PHF21A: variants seen among roughly 807,000 people sequenced by gnomAD.
The protein encoded by PHF21A is PHD finger protein 21A.
Under a neutral mutation model 82.5 loss-of-function variants are expected in PHF21A, and 11 were observed. The observed-to-expected ratio is 0.13, with a 90% CI of 0.08 to 0.22. The LOEUF is 0.22. PHF21A is among the 10% of genes least tolerant of loss of function. The pLI is 1.00. For missense variants in PHF21A, 579 were observed against 837.8 expected (o/e 0.69, Z 3.81); for synonymous variants, 297 against 302.8 (o/e 0.98, Z 0.20).
At chr11:46,084,113 A>C (rs201995682) in intron 4 of PHF21A, 53 bp downstream of exon 4, 6 of 1,237,108 alleles carry the variant, frequency 4.9e-6, no homozygotes, top group Non-Finnish European at 6.9e-6. Context: ...CTTGTTTACT[A>C]ATCTTAGCCA....
intron 10 of PHF21A, among the ~76,000 whole-genome samples, chr11:45,962,998 C>CT (rs1299797971): frequency 2.0e-5 from 3 of 151,934 alleles, no homozygotes; most frequent in Non-Finnish European, 1.5e-5. Flanking sequence ...AAATAAAAAG[C>CT]TCTATCAACG....
At chr11:45,935,124 C>T in intron 18 of PHF21A, 3 of 1,289,432 alleles carry the variant, frequency 2.3e-6, no homozygotes, top group Non-Finnish European at 3.0e-6. Context: ...TACTTACTTC[C>T]AATACTTGTC....
chr11:46,042,089 G>A (rs1243790600), intron 6 of PHF21A, among the ~76,000 whole-genome samples: 1 of 152,048 alleles, frequency 6.6e-6, no homozygotes, highest in African/African-American at 2.4e-5. Flanking sequence ...TTGTCTATAG[G>A]AAGTTGAATA....
At chr11:46,053,548 T>C (rs545119034) in intron 6 of PHF21A, among the ~76,000 whole-genome samples, 2 of 152,136 alleles carry the variant, frequency 1.3e-5, no homozygotes, top group South Asian at 4.1e-4. Context: ...TATAATTATA[T>C]GTATACCATG....
At chr11:46,064,984 T>C (rs1025033722) in intron 6 of PHF21A, among the ~76,000 whole-genome samples, 1 of 152,198 alleles carries the variant, frequency 6.6e-6, no homozygotes. Flanking sequence ...TAATGATGTA[T>C]TATAACTTCA....
chr11:45,937,528 T>C (rs947100569), intron 16 of PHF21A, among the ~76,000 whole-genome samples: 13 of 152,244 alleles, frequency 8.5e-5, no homozygotes, highest in African/African-American at 3.1e-4. Flanking sequence ...TCACCCAGGC[T>C]GGAGTGCAGT....
At chr11:45,944,493 C>T (rs967504228) in intron 15 of PHF21A, among the ~76,000 whole-genome samples, 3 of 152,184 alleles carry the variant, frequency 2.0e-5, no homozygotes, top group African/African-American at 7.2e-5. Context: ...AATGGTCTCC[C>T]ATTTTACTGA....
At chr11:45,949,317 C>T in intron 13 of PHF21A, 85 bp downstream of exon 13, 2 of 1,096,666 alleles carry the variant, frequency 1.8e-6, no homozygotes, top group Non-Finnish European at 2.8e-6. Flanking sequence ...TGCTGCTCTT[C>T]AGCAGGTTTT....
At chr11:46,017,967 T>C (rs1221980308) in intron 6 of PHF21A, among the ~76,000 whole-genome samples, 1 of 152,166 alleles carries the variant, frequency 6.6e-6, no homozygotes, top group Non-Finnish European at 1.5e-5. Flanking sequence ...AAATGTGTCC[T>C]AGGCCGGGCG....
At chr11:45,985,214 A>G (rs2094451457) in intron 6 of PHF21A, among the ~76,000 whole-genome samples, 2 of 152,234 alleles carry the variant, frequency 1.3e-5, no homozygotes, top group African/African-American at 4.8e-5. Flanking sequence ...CACTGCATTG[A>G]TAAGTCACAC....
At chr11:46,038,628 T>C (rs12799533) in intron 6 of PHF21A, among the ~76,000 whole-genome samples, 2 of 152,092 alleles carry the variant, frequency 1.3e-5, no homozygotes, top group Non-Finnish European at 2.9e-5. Context: ...AAGTCCAAGG[T>C]GGAGGGGCCA....
chr11:46,023,824 C>T (rs1050385338), intron 6 of PHF21A, among the ~76,000 whole-genome samples: 7 of 152,168 alleles, frequency 4.6e-5, no homozygotes, highest in Admixed American at 6.5e-5. Context: ...GGTGTGGTGG[C>T]GGGTGCCTAT....
intron 1 of PHF21A, among the ~76,000 whole-genome samples, chr11:46,094,072 C>A (rs1205756758): frequency 6.6e-6 from 1 of 151,976 alleles, no homozygotes; most frequent in Non-Finnish European, 1.5e-5. Context: ...AGGCTTATAC[C>A]CACAATATAT....
chr11:46,072,778 A>T (rs1485023222), intron 6 of PHF21A, among the ~76,000 whole-genome samples: 1 of 152,148 alleles, frequency 6.6e-6, no homozygotes, highest in African/African-American at 2.4e-5. Context: ...GTAAAGGGAG[A>T]TAGGGCAGCA....
intron 1 of PHF21A, among the ~76,000 whole-genome samples, chr11:46,113,772 G>A (rs1470519718): frequency 1.3e-5 from 2 of 148,240 alleles, no homozygotes; most frequent in Non-Finnish European, 3.0e-5. Context: ...GCTGCAGTGA[G>A]CTAATATCGC....
chr11:46,037,942 T>C (rs1175157642), intron 6 of PHF21A, among the ~76,000 whole-genome samples: 1 of 152,056 alleles, frequency 6.6e-6, no homozygotes. Context: ...TATAAAATTT[T>C]AAATATCTTA....
chr11:46,070,480 G>A (rs548859825), intron 6 of PHF21A, among the ~76,000 whole-genome samples: 3 of 152,114 alleles, frequency 2.0e-5, no homozygotes, highest in Non-Finnish European at 4.4e-5. Context: ...ACAGGTGCCC[G>A]CCACCACACC....
chr11:46,021,821 G>A (rs1404455310), intron 6 of PHF21A, among the ~76,000 whole-genome samples: 4 of 152,090 alleles, frequency 2.6e-5, no homozygotes, highest in African/African-American at 7.2e-5. Context: ...AAAGTGCTGA[G>A]ATTATTATAG....
chr11:45,978,336 A>C (rs2094135190), intron 7 of PHF21A, among the ~76,000 whole-genome samples: 2 of 120,240 alleles, frequency 1.7e-5, no homozygotes, highest in African/African-American at 5.0e-5. Context: ...CAAACAAAAA[A>C]ACAGAGATGG....
Sources: allele counts gnomAD v4.1 joint callset (sites outside exome capture counted in the v4.1 genomes callset), GRCh38; gene constraint gnomAD v4.1.1; transcripts MANE v1.5; gene names NCBI Gene and HGNC (gene_info 2026-07-23, HGNC 2026-07-21).